The following TMEM132A variants were observed in gnomAD, a reference collection of about 807,000 sequenced individuals.
TMEM132A encodes the protein GRP78-binding protein.
Under a neutral mutation model 69.9 loss-of-function variants are expected in TMEM132A, and 48 were observed. That is an observed-to-expected ratio of 0.69 (90% CI 0.55 to 0.87). TMEM132A has a LOEUF of 0.87. Among genes scored for constraint, TMEM132A ranks in the 40% least tolerant of loss-of-function variants. The probability of loss-of-function intolerance (pLI) is 0.00; values close to 1 mark genes in which losing one functional copy is unlikely to be tolerated. For missense variants in TMEM132A, 1,287 were observed against 1,407.2 expected, an observed-to-expected ratio of 0.91 and a Z score of 1.37; for synonymous variants, 577 against 613.7, an observed-to-expected ratio of 0.94 and a Z score of 0.88.
chr11:60,927,044 C>A, intron 1 of TMEM132A, 160 bp from the exon 2 acceptor site: 1 of 700,594 alleles, frequency 1.4e-6, no homozygotes, highest in Non-Finnish European at 2.6e-6. Flanking sequence ...CTCTTTAAGC[C>A]TCAGTGACCT....
chr11:60,934,506 A>C lies in TMEM132A; in HGVS notation c.1578A>C (p.Ala526=). 7.1e-7 allele frequency: 1 copy of C among 1,409,026 alleles called. No homozygotes were observed. Among genetic ancestry groups the C allele is most frequent in the Non-Finnish European group, 9.2e-7 (1 of 1,090,274 alleles). The allele number at this position is 1,409,026 out of a possible 1,614,324, so 87.3% of individuals were successfully genotyped here. A position where few individuals can be genotyped will look rare whatever the true frequency, so the allele number is the denominator to read the frequency against. The change falls in exon 9 of 11, where the codon GCA becomes GCC. Residue 526 remains alanine (A), a synonymous_variant. Transcript: ENST00000453848. ...GPAEGPAEPA[A]EASDEAERRA... ...CCTGCAGGCCTGCGGAACCCGCTGC[A>C]GAGGCGTCGGATGAGGCCGAGCGGC...
In TMEM132A at chr11:60,936,329, G is replaced by A. The variant is rs906717734; in HGVS notation, c.2494G>A (p.Glu832Lys). ...ETEAREEEEEEEEEMVPAPQH... is the reference protein window; with the variant it reads ...ETEAREEEEEKEEEMVPAPQH... ...CGAAGCCAGGGAGGAGGAGGAGGAAGAGGAGGAGGAGATGGTCCCTGCCCC... is the reference window on the plus strand; with the variant it reads ...CGAAGCCAGGGAGGAGGAGGAGGAAAAGGAGGAGGAGATGGTCCCTGCCCC... Residue 832 changes from glutamate (E) to lysine (K), a missense_variant, in exon 11 of 11, where the codon GAG becomes AAG. Glu to Lys is a moderately conservative substitution (Grantham distance 56). Coordinates refer to ENST00000453848, the MANE Select transcript of TMEM132A (RefSeq NM_178031.3). The A allele has an allele frequency of 1.2e-6, 2 of 1,612,690 alleles. No individual in the cohort carries two copies. The highest frequency in any genetic ancestry group is 8.5e-7 in the Non-Finnish European group (1 of 1,178,864).
chr11:60,935,568 C>A lies in TMEM132A; in HGVS notation c.2028+125C>A. The stretch of plus-strand genomic sequence containing the variant: ...AGGGTTTTCAGAGTGAGGACTGACT[C>A]TGTGAGGTAGTGAGCTCTCTGCAGC... On this transcript the variant is annotated intron_variant, in intron 10 of 10. Transcript: ENST00000453848. This position sits in a 1 kb window ranked among gnomAD's most constrained non-coding sequence, Gnocchi z 5.0. 1.9e-6 allele frequency: 2 copies of A among 1,057,654 alleles called. No individual in the cohort carries two copies. Among genetic ancestry groups the A allele is most frequent in the Non-Finnish European group, 2.7e-6 (2 of 737,302 alleles). The allele number at this position is 1,057,654 out of a possible 1,614,324, so 65.5% of individuals were successfully genotyped here.
rs751920555 is a variant in TMEM132A, at chr11:60,936,941, G to C, written c.*34G>C. The C allele has an allele frequency of 5.1e-5, 76 of 1,495,316 alleles. No homozygotes were observed. Among genetic ancestry groups the C allele is most frequent in the Middle Eastern group, 2.2e-4 (1 of 4,484 alleles). 92.6% of individuals were successfully genotyped at this position (1,495,316 alleles called of 1,614,324 possible). ...AGCCACCTGGTCAGCCACCAGCTGG[G>C]GCAACGAGGGTGGAGGTCCCACTGA... is the stretch of plus-strand genomic sequence containing the variant. On this transcript the variant is annotated 3_prime_UTR_variant, in exon 11 of 11. Coordinates refer to ENST00000453848, the MANE Select transcript of TMEM132A (RefSeq NM_178031.3).
Position 60,935,381 on chromosome 11 carries a change from G to A in TMEM132A, c.1966G>A (p.Ala656Thr). Residue 656 changes from alanine (A) to threonine (T), a missense_variant, in exon 10 of 11, where the codon GCC (alanine) becomes ACC (threonine). Physicochemically the swap from Ala to Thr is moderately conservative, Grantham distance 58 (BLOSUM62 0). Transcript: ENST00000453848. The surrounding 1 kb of genome is among the most constrained non-coding windows in gnomAD (Gnocchi z 5.0). ...CTCGCTGACCTTGAGCCGGGGCACTGCCCACCCCGGGGAGGTCACAGCTAC... is the reference window on the plus strand; with the variant it reads ...CTCGCTGACCTTGAGCCGGGGCACTACCCACCCCGGGGAGGTCACAGCTAC... The part of the protein sequence containing the change: ...GISLTLSRGT[A>T]HPGEVTATCW... 2 of 1,612,414 alleles carry A rather than the reference G, an allele frequency of 1.2e-6. No homozygotes were observed. The highest frequency in any genetic ancestry group is 1.7e-6 in the Non-Finnish European group (2 of 1,179,520).
rs746682344 is a variant in TMEM132A, at chr11:60,936,137, C to T, written c.2302C>T (p.Pro768Ser). The change falls in exon 11 of 11, where the codon CCT becomes TCT. Residue 768 changes from proline (P) to serine (S), a missense_variant. Coordinates refer to ENST00000453848, the MANE Select transcript of TMEM132A (RefSeq NM_178031.3). ...ASGTAWLGLPPASTPAPALPS... is the reference protein window; with the variant it reads ...ASGTAWLGLPSASTPAPALPS... ...TGGCACCGCCTGGCTGGGGCTGCCC[C>T]CTGCCTCCACTCCAGCCCCTGCTCT... 5 of 1,613,714 alleles carry T rather than the reference C, an allele frequency of 3.1e-6. No homozygotes were observed. The highest frequency in any genetic ancestry group is 3.4e-6 in the Non-Finnish European group (4 of 1,179,882).
chr11:60,928,895 C>G lies in TMEM132A; in HGVS notation c.801C>G (p.Pro267=). 6.2e-7 allele frequency: 1 copy of G among 1,612,804 alleles called. No individual in the cohort carries two copies. The highest frequency in any genetic ancestry group is 8.5e-7 in the Non-Finnish European group (1 of 1,180,026). The change falls in exon 4 of 11, where the codon CCC becomes CCG. Residue 267 remains proline, a synonymous_variant. Coordinates refer to ENST00000453848, the MANE Select transcript of TMEM132A (RefSeq NM_178031.3). The part of the protein sequence containing the change: ...TLRVPDMPVR[P]GQLFSATLLL... Reference sequence around the variant, plus strand: ...GGGTGCCTGACATGCCAGTGCGGCCCGGCCAGCTCTTTAGTGCTACCCTCC... The same window carrying G: ...GGGTGCCTGACATGCCAGTGCGGCCGGGCCAGCTCTTTAGTGCTACCCTCC...
chr11:60,930,534 T>A lies in TMEM132A; in HGVS notation c.891T>A (p.His297Gln). 1 of 1,609,144 alleles carries A rather than the reference T, an allele frequency of 6.2e-7. No individual in the cohort carries two copies. Among genetic ancestry groups the A allele is most frequent in the Non-Finnish European group, 8.5e-7 (1 of 1,177,638 alleles). The change falls in exon 5 of 11, where the codon CAT becomes CAA. Residue 297 changes from histidine to glutamine, a missense_variant. Coordinates refer to ENST00000453848, the MANE Select transcript of TMEM132A (RefSeq NM_178031.3). ...GGATCAAGGTGAAGAAGGGGCTGCA[T>A]GTGACAGCCGCCCGCCCAGCCCAGC... The part of the protein sequence containing the change: ...TLRIKVKKGL[H>Q]VTAARPAQPT...
chr11:60,929,872 G>A (rs1856438058), intron 4 of TMEM132A, among the ~76,000 whole-genome samples: 1 of 143,284 alleles, frequency 7.0e-6, no homozygotes, highest in Non-Finnish European at 1.5e-5. Context: ...CCAAACACGA[G>A]CAAGGGCCAG....
At chr11:60,927,538 C>T in intron 2 of TMEM132A, 103 bp from the exon 3 acceptor site, 1 of 1,408,562 alleles carries the variant, frequency 7.1e-7, no homozygotes, top group Non-Finnish European at 9.7e-7. Context: ...GAGGGGGAAA[C>T]TGAGGCCCAT....
intron 4 of TMEM132A, 59 bp from the exon 5 acceptor site, chr11:60,930,451 A>C: frequency 6.7e-7 from 1 of 1,503,076 alleles, no homozygotes; most frequent in South Asian, 1.3e-5. Context: ...TTTCCCCTTC[A>C]ATCCAGCCCA....
In TMEM132A at chr11:60,936,032, G is replaced by A. The variant is rs750959464; in HGVS notation, c.2197G>A (p.Ala733Thr). 2.8e-5 allele frequency: 45 copies of A among 1,598,128 alleles called. No individual in the cohort carries two copies. The highest frequency in any genetic ancestry group is 3.7e-5 in the Non-Finnish European group (43 of 1,175,740). The change falls in exon 11 of 11, where the codon GCC becomes ACC. Residue 733 changes from alanine to threonine, a missense_variant. By Grantham distance (58) the Ala-to-Thr change is moderately conservative. Coordinates refer to ENST00000453848, the MANE Select transcript of TMEM132A (RefSeq NM_178031.3). Reference protein sequence around the residue: ...QLGVVVSGAGAEGLPLHVALH... With the variant: ...QLGVVVSGAGTEGLPLHVALH... ...CGGGGTGGTGGTGAGTGGGGCAGGC[G>A]CCGAGGGGCTGCCGCTGCATGTGGC...
chr11:60,936,851 C>T lies in TMEM132A; in HGVS notation c.3016C>T (p.Leu1006=). 1 of 1,602,516 alleles carries T rather than the reference C, an allele frequency of 6.2e-7. No individual in the cohort carries two copies. The highest frequency in any genetic ancestry group is 8.5e-7 in the Non-Finnish European group (1 of 1,175,520). ...DIRWVCEDMG[L]KDPEELRNYM... ...CCGCTGGGTGTGTGAGGACATGGGG[C>T]TGAAGGACCCTGAGGAGCTTCGCAA... The change falls in exon 11 of 11, where the codon CTG becomes TTG. Residue 1006 remains leucine, a synonymous_variant. Coordinates refer to ENST00000453848, the MANE Select transcript of TMEM132A (RefSeq NM_178031.3).
Position 60,936,894 on chromosome 11 carries a change from G to C in TMEM132A, c.3059G>C (p.Arg1020Pro), listed in dbSNP as rs376130640. 1.3e-6 allele frequency: 2 copies of C among 1,551,376 alleles called. No individual in the cohort carries two copies. Among genetic ancestry groups the C allele is most frequent in the East Asian group, 2.3e-5 (1 of 44,122 alleles). ...CTTCGCAACTACATGGAGAGGATCC[G>C]GGGCAGCTCCTGACCCTCCACAGCC... is the stretch of plus-strand genomic sequence containing the variant. ...EELRNYMERI[R>P]GSS The change falls in exon 11 of 11, where the codon CGG becomes CCG. Residue 1020 changes from arginine to proline, a missense_variant. By Grantham distance (103) the Arg-to-Pro change is moderately radical. Coordinates refer to ENST00000453848, the MANE Select transcript of TMEM132A (RefSeq NM_178031.3).
rs760797228 is a variant in TMEM132A at position 60,933,536 on chromosome 11, C to A, written c.1357-6C>A. ...GCCCGCCCACCTGCCCTCTGCCCTT[C>A]CATAGGTGTCTGAGGCCTGTGATGC... On this transcript the variant is annotated splice_polypyrimidine_tract_variant and splice_region_variant and intron_variant, in intron 7 of 10. Transcript: ENST00000453848. 2 of 1,605,160 alleles carry A rather than the reference C, an allele frequency of 1.2e-6. No individual in the cohort carries two copies. Among genetic ancestry groups the A allele is most frequent in the Admixed American group, 3.3e-5 (2 of 59,822 alleles).
chr11:60,936,346 C>T lies in TMEM132A; in HGVS notation c.2511C>T (p.Val837=). The change falls in exon 11 of 11, where the codon GTC becomes GTT. Residue 837 remains valine, a synonymous_variant. Coordinates refer to ENST00000453848, the MANE Select transcript of TMEM132A (RefSeq NM_178031.3). ...EEEEEEEEEM[V]PAPQHVTELE... ...AGGAGGAAGAGGAGGAGGAGATGGT[C>T]CCTGCCCCTCAGCATGTCACTGAGC... 6.2e-7 allele frequency: 1 copy of T among 1,614,100 alleles called. No individual in the cohort carries two copies. Among genetic ancestry groups the T allele is most frequent in the Non-Finnish European group, 8.5e-7 (1 of 1,180,000 alleles).
intron 4 of TMEM132A, among the ~76,000 whole-genome samples, chr11:60,929,580 T>A (rs1476201655): frequency 1.3e-5 from 2 of 152,300 alleles, no homozygotes; most frequent in East Asian, 3.9e-4. Flanking sequence ...TCTTAGGCTT[T>A]AAGATTCTGA....
Position 60,936,617 on chromosome 11 carries a change from G to T in TMEM132A, c.2782G>T (p.Gly928Trp), listed in dbSNP as rs545267277. 2 of 1,574,226 alleles carry T rather than the reference G, an allele frequency of 1.3e-6. No homozygotes were observed. Among genetic ancestry groups the T allele is most frequent in the Non-Finnish European group, 8.6e-7 (1 of 1,160,058 alleles). ...KGEGSCPCESGGGGEAPTLAP... is the reference protein window; with the variant it reads ...KGEGSCPCESWGGGEAPTLAP... ...GGAGGGGAGCTGCCCCTGTGAGAGT[G>T]GGGGAGGAGGGGAGGCCCCTACCCT... is the stretch of plus-strand genomic sequence containing the variant. The change falls in exon 11 of 11, where the codon GGG (glycine) becomes TGG (tryptophan). Residue 928 changes from glycine (G) to tryptophan (W), a missense_variant. Coordinates refer to ENST00000453848, the MANE Select transcript of TMEM132A (RefSeq NM_178031.3).
rs1426212889 is a variant in TMEM132A, at chr11:60,936,987, ACTCGTCTGGTGCTTGTTGATC to A, written c.*82_*102del. On this transcript the variant is annotated 3_prime_UTR_variant, in exon 11 of 11. Coordinates refer to ENST00000453848, the MANE Select transcript of TMEM132A (RefSeq NM_178031.3). Reference sequence around the variant, plus strand: ...ACTGAGCCTCTCGCCTGCCCCCGCCACTCGTCTGGTGCTTGTTGATCCAAGTCCCCTGCCTGGTCCCCCACA... The same window carrying A: ...ACTGAGCCTCTCGCCTGCCCCCGCCACAAGTCCCCTGCCTGGTCCCCCACA... 2.2e-6 allele frequency: 3 copies of A among 1,345,226 alleles called. No homozygotes were observed. The African/African-American group carries it at 4.4e-5, about 20-fold the overall frequency. 83.3% of individuals were successfully genotyped at this position (1,345,226 alleles called of 1,614,324 possible).
Sources: allele counts gnomAD v4.1 joint callset (sites outside exome capture counted in the v4.1 genomes callset), GRCh38; gene constraint gnomAD v4.1.1; non-coding constraint Gnocchi (gnomAD v3.1); transcripts MANE v1.5; gene names NCBI Gene and HGNC (gene_info 2026-07-23, HGNC 2026-07-21).